THADA: variants seen among roughly 807,000 people sequenced by gnomAD.
The protein encoded by THADA is THADA armadillo repeat containing, also known as tRNA (32-2'-O)-methyltransferase regulator THADA.
Under a neutral mutation model 219.8 loss-of-function variants are expected in THADA, and 213 were observed. The ratio of observed to expected loss-of-function variants is 0.97; its 90% CI spans 0.87 to 1.09. The LOEUF (loss-of-function observed/expected upper bound fraction) is 1.09, where lower values mean the gene tolerates loss of function less well. THADA is among the 50% of genes least tolerant of loss of function. The pLI, the probability that THADA is intolerant of heterozygous loss-of-function variation, is 0.00. For missense variants in THADA, 2,956 were observed against 2,311.3 expected (o/e 1.28, Z -5.72); for synonymous variants, 1,018 against 828.9 (o/e 1.23, Z -3.92).
chr2:43,318,481 CT>C (rs1457986652), intron 31 of THADA, among the ~76,000 whole-genome samples: 1 of 152,144 alleles, frequency 6.6e-6, no homozygotes, highest in East Asian at 1.9e-4. Flanking sequence ...TTATTTTTAA[CT>C]CATACTAAGT....
intron 28 of THADA, among the ~76,000 whole-genome samples, chr2:43,425,960 G>C (rs897891076): frequency 3.3e-5 from 5 of 152,132 alleles, no homozygotes; most frequent in African/African-American, 1.2e-4. Context: ...CACTTCTGCT[G>C]TTGGTGATGT....
intron 31 of THADA, among the ~76,000 whole-genome samples, chr2:43,301,514 T>G (rs1460922976): frequency 6.6e-6 from 1 of 152,204 alleles, no homozygotes; most frequent in Non-Finnish European, 1.5e-5. Flanking sequence ...AGGAACCATA[T>G]TCCCCTATTC....
At chr2:43,261,932 T>C (rs1204782640) in intron 36 of THADA, among the ~76,000 whole-genome samples, 3 of 152,120 alleles carry the variant, frequency 2.0e-5, no homozygotes, top group African/African-American at 7.2e-5. Context: ...CCACCGCGCC[T>C]GGCAATTTTT....
chr2:43,437,736 G>A (rs1010838799), intron 26 of THADA, among the ~76,000 whole-genome samples: 1 of 152,044 alleles, frequency 6.6e-6, no homozygotes, highest in African/African-American at 2.4e-5. Context: ...CTCTATTCAA[G>A]GATGTTTATA....
rs779735174 is a variant in THADA, at chr2:43,320,495, G to A, written c.4389C>T (p.Leu1463=). 5 of 1,613,610 alleles carry A rather than the reference G, an allele frequency of 3.1e-6. No homozygotes were observed. The highest frequency in any genetic ancestry group is 1.1e-5 in the South Asian group (1 of 91,038). Reference sequence around the variant, plus strand: ...TGTTGAGGCAGCAAGTCAATAGGAAGAGAATATCAATATATACAGCTCTGG... The same window carrying A: ...TGTTGAGGCAGCAAGTCAATAGGAAAAGAATATCAATATATACAGCTCTGG... ...LVTRAVYIDI[L]FLLTCCLNRS... is the part of the protein sequence containing the mutation. The change falls in exon 31 of 38, where the codon CTC becomes CTT. Residue 1463 remains leucine, a synonymous_variant. Transcript: ENST00000405975.
intron 15 of THADA, 54 bp from the exon 16 acceptor site, chr2:43,560,439 C>T: frequency 7.5e-7 from 1 of 1,335,844 alleles, no homozygotes; most frequent in Non-Finnish European, 9.9e-7. Flanking sequence ...AGAAATCAGT[C>T]TTCTGAAGTT....
intron 30 of THADA, among the ~76,000 whole-genome samples, chr2:43,338,154 C>CA (rs748505136): frequency 7.9e-6 from 1 of 126,362 alleles, no homozygotes; most frequent in Non-Finnish European, 1.7e-5. Flanking sequence ...ATCACCAGAA[C>CA]TTTTTTTTTT....
intron 31 of THADA, among the ~76,000 whole-genome samples, chr2:43,295,964 G>A (rs1675324576): frequency 6.9e-6 from 1 of 144,970 alleles, no homozygotes; most frequent in African/African-American, 2.5e-5. Flanking sequence ...CTGTCGCCCA[G>A]GCAGGAGTGC....
intron 29 of THADA, among the ~76,000 whole-genome samples, chr2:43,349,831 A>G (rs1668047962): frequency 6.6e-6 from 1 of 152,236 alleles, no homozygotes; most frequent in African/African-American, 2.4e-5. Context: ...AGCAAATGCT[A>G]TGTTTTTCCC....
chr2:43,320,415 T>C (rs778554931), intron 31 of THADA, 31 bp downstream of exon 31: 1 of 1,562,628 alleles, frequency 6.4e-7, no homozygotes, highest in Admixed American at 1.8e-5. Flanking sequence ...TGTGTAACGA[T>C]TCCAAAATAC....
At position 43,586,923 on chromosome 2, in the gene THADA, T is replaced by A; in HGVS notation, c.382A>T (p.Thr128Ser). 6.2e-7 allele frequency: 1 copy of A among 1,613,806 alleles called. No individual in the cohort carries two copies. Among genetic ancestry groups the A allele is most frequent in the Non-Finnish European group, 8.5e-7 (1 of 1,179,772 alleles). ...FTSRLQEELN[T>S]TDLYSYRKVT... The stretch of plus-strand genomic sequence containing the variant: ...TTCCTGTAAGAGTATAAGTCAGTAG[T>A]ATTCAATTCTTCCTGAAGACGAGAA... The change falls in exon 5 of 38, where the codon ACT becomes TCT. Residue 128 changes from threonine (T) to serine (S), a missense_variant. Thr to Ser is a moderately conservative substitution (Grantham distance 58, BLOSUM62 1). Transcript: ENST00000405975.
chr2:43,351,250 T>C (rs1412118938), intron 29 of THADA, among the ~76,000 whole-genome samples: 1 of 152,344 alleles, frequency 6.6e-6, no homozygotes, highest in East Asian at 1.9e-4. Flanking sequence ...CTAAAGAATG[T>C]GCTGGCACTA....
At chr2:43,592,231 T>G (rs532617420) in intron 2 of THADA, 86 bp downstream of exon 2, 20 of 1,068,466 alleles carry the variant, frequency 1.9e-5, no homozygotes, top group Non-Finnish European at 2.7e-5. Context: ...AGAATTTGAA[T>G]ATTATATGCT....
intron 26 of THADA, among the ~76,000 whole-genome samples, chr2:43,451,303 G>C (rs1182783732): frequency 6.6e-6 from 1 of 152,164 alleles, no homozygotes; most frequent in Non-Finnish European, 1.5e-5. Flanking sequence ...AAACTCTAAA[G>C]TGAAACTCTG....
chr2:43,499,357 T>TA (rs993346946), intron 24 of THADA, among the ~76,000 whole-genome samples: 3 of 152,004 alleles, frequency 2.0e-5, no homozygotes, highest in Admixed American at 6.6e-5. Flanking sequence ...TAAGAAACTT[T>TA]AAAAAAAACT....
chr2:43,489,442 T>G (rs1251657234), intron 25 of THADA, among the ~76,000 whole-genome samples: 5 of 152,320 alleles, frequency 3.3e-5, no homozygotes, highest in Non-Finnish European at 7.3e-5. Flanking sequence ...AGGTGTCATA[T>G]CTAACTAAAT....
intron 28 of THADA, among the ~76,000 whole-genome samples, chr2:43,405,927 G>C (rs1277626876): frequency 6.6e-6 from 1 of 152,194 alleles, no homozygotes; most frequent in African/African-American, 2.4e-5. Flanking sequence ...GAAAACTGTA[G>C]TGTGTGACCC....
intron 30 of THADA, among the ~76,000 whole-genome samples, chr2:43,327,833 C>A (rs9309098): frequency 0.25 from 37,636 of 152,086 alleles, 5,451 homozygotes; most frequent in African/African-American, 0.4. Flanking sequence ...ATGATCCAGA[C>A]AACTACCTCT....
chr2:43,399,757 C>A (rs1472260238), intron 28 of THADA, among the ~76,000 whole-genome samples: 1 of 152,102 alleles, frequency 6.6e-6, no homozygotes, highest in African/African-American at 2.4e-5. Flanking sequence ...CATTTTCTCA[C>A]TTATTCTTTT....
Sources: gnomAD v4.1 joint callset for allele counts (sites outside exome capture counted in the v4.1 genomes callset) on GRCh38, gnomAD v4.1.1 for gene constraint, MANE v1.5 for transcripts, NCBI Gene and HGNC (gene_info 2026-07-23, HGNC 2026-07-21) for gene names.